The following VRK2 variants were observed in gnomAD, a reference collection of about 807,000 sequenced individuals.
VRK2 encodes serine/threonine-protein kinase VRK2.
Under a neutral mutation model 57.6 loss-of-function variants are expected in VRK2, and 60 were observed. That is an observed-to-expected ratio of 1.04 (90% confidence interval 0.85 to 1.29). The LOEUF (loss-of-function observed/expected upper bound fraction) is 1.29, where lower values mean the gene tolerates loss of function less well. Ranked by LOEUF, VRK2 falls within the 50% of genes most tolerant of loss-of-function variation. VRK2 has a pLI of 0.00. For synonymous variants in VRK2, 231 were observed against 199.2 expected, an observed-to-expected ratio of 1.16 and a Z score of -1.35; for missense variants, 705 against 588.1, an observed-to-expected ratio of 1.20 and a Z score of -2.06.
chr2:57,942,490 T>G (rs1388216945), intron 1 of VRK2, among the ~76,000 whole-genome samples: 1 of 152,174 alleles, frequency 6.6e-6, no homozygotes, highest in African/African-American at 2.4e-5. Flanking sequence ...AGCTGCTACC[T>G]CAGCTTCTTT....
At chr2:57,998,766 T>G (rs1437583029) in intron 1 of VRK2, among the ~76,000 whole-genome samples, 1 of 152,190 alleles carries the variant, frequency 6.6e-6, no homozygotes, top group African/African-American at 2.4e-5. Context: ...TTGCTTCACT[T>G]GAATTTATGA....
chr2:57,958,330 C>T (rs1671647324), intron 1 of VRK2, among the ~76,000 whole-genome samples: 1 of 151,892 alleles, frequency 6.6e-6, no homozygotes, highest in Non-Finnish European at 1.5e-5. Flanking sequence ...TCTACATGAG[C>T]TTCTTCTAAG....
chr2:58,089,665 A>G lies in VRK2; in HGVS notation c.485A>G (p.Tyr162Cys). ...DVLEYIHENE[Y>C]VHGDIKAANL... ...CTGGAATATATACATGAAAATGAAT[A>G]TGTTCATGGTGATATAAAAGCAGCA... Residue 162 changes from tyrosine to cysteine, a missense_variant, in exon 7 of 13, where the codon TAT becomes TGT. Physicochemically the swap from Tyr to Cys is radical, Grantham distance 194. Transcript: ENST00000340157. 1 of 1,607,268 alleles carries G rather than the reference A, an allele frequency of 6.2e-7. No individual in the cohort carries two copies. The highest frequency in any genetic ancestry group is 8.5e-7 in the Non-Finnish European group (1 of 1,175,846).
chr2:58,136,903 T>G (rs1680170053), intron 10 of VRK2, among the ~76,000 whole-genome samples: 1 of 13,396 alleles, frequency 7.5e-5, no homozygotes, highest in Non-Finnish European at 1.3e-4. Flanking sequence ...TGTATATATA[T>G]CATATATATA....
chr2:58,040,825 G>A (rs1230857620), intron 3 of VRK2, among the ~76,000 whole-genome samples: 1 of 152,196 alleles, frequency 6.6e-6, no homozygotes, highest in Non-Finnish European at 1.5e-5. Flanking sequence ...CATTGGGAAT[G>A]GTCAGGAATA....
At chr2:57,991,620 C>G (rs981211057) in intron 1 of VRK2, among the ~76,000 whole-genome samples, 2 of 151,930 alleles carry the variant, frequency 1.3e-5, no homozygotes, top group Non-Finnish European at 2.9e-5. Context: ...GTGAACTATT[C>G]CCTAGTCTCC....
chr2:58,119,113 G>A (rs1403758681), intron 7 of VRK2, among the ~76,000 whole-genome samples: 1 of 152,184 alleles, frequency 6.6e-6, no homozygotes, highest in Non-Finnish European at 1.5e-5. Flanking sequence ...GGCTTGGCTT[G>A]GGCTCAGAGG....
intron 1 of VRK2, chr2:58,047,512 G>A: frequency 1.1e-6 from 1 of 952,010 alleles, no homozygotes; most frequent in Non-Finnish European, 1.3e-6. Flanking sequence ...AAGCCCTGAG[G>A]CCGCTGCCTT....
chr2:58,048,667 A>G (rs988833043), intron 1 of VRK2, 160 bp from the exon 2 acceptor site: 1 of 1,507,642 alleles, frequency 6.6e-7, no homozygotes, highest in African/African-American at 1.4e-5. Context: ...TCTAATTTGA[A>G]TATAATGTGT....
At chr2:58,089,097 T>G (rs890075442) in intron 6 of VRK2, among the ~76,000 whole-genome samples, 2 of 152,200 alleles carry the variant, frequency 1.3e-5, no homozygotes, top group Admixed American at 6.5e-5. Flanking sequence ...CAGCAAATGT[T>G]TATTGAGTAC....
chr2:58,155,776 C>T (rs1184943068), intron 12 of VRK2, among the ~76,000 whole-genome samples: 1 of 150,246 alleles, frequency 6.7e-6, no homozygotes, highest in Non-Finnish European at 1.5e-5. Flanking sequence ...ACCCCGCCGC[C>T]CCGTTTCCAC....
intron 12 of VRK2, among the ~76,000 whole-genome samples, chr2:58,149,907 A>G (rs534628559): frequency 6.6e-6 from 1 of 151,504 alleles, no homozygotes; most frequent in Admixed American, 6.6e-5. Flanking sequence ...GCTGAATTCC[A>G]ACTCAATTCC....
intron 1 of VRK2, among the ~76,000 whole-genome samples, chr2:57,972,774 A>T: frequency 6.6e-6 from 1 of 151,852 alleles, no homozygotes. Context: ...GGCCCTATAG[A>T]TAATCATTCA....
At chr2:57,989,380 C>A (rs536007079) in intron 1 of VRK2, among the ~76,000 whole-genome samples, 2 of 152,264 alleles carry the variant, frequency 1.3e-5, no homozygotes, top group Admixed American at 1.3e-4. Flanking sequence ...TAATATAATT[C>A]TAATATCACT....
chr2:58,151,498 C>G (rs966026219), intron 12 of VRK2, among the ~76,000 whole-genome samples: 1 of 151,476 alleles, frequency 6.6e-6, no homozygotes, highest in African/African-American at 2.4e-5. Context: ...TATAGTTGAG[C>G]CTCGCTATTT....
intron 1 of VRK2, among the ~76,000 whole-genome samples, chr2:57,955,126 A>C (rs1442651413): frequency 6.6e-6 from 1 of 152,184 alleles, no homozygotes; most frequent in African/African-American, 2.4e-5. Flanking sequence ...AAAGAAATGA[A>C]GAGCATTGTT....
At position 58,072,572 on chromosome 2, in the gene VRK2, T is replaced by C. The variant is rs139701315; in HGVS notation, c.137-11517T>C. On this transcript the variant is annotated intron_variant, in intron 2 of 12. Coordinates refer to ENST00000340157, the MANE Select transcript of VRK2 (RefSeq NM_006296.7). The stretch of plus-strand genomic sequence containing the variant: ...GTGTTGGATTATGTTAATTGATTTT[T>C]GAATGCTGAACCAGCCTTGTATACC... Among the ~76,000 whole-genome samples the C allele has an allele frequency of 8.5e-5, 13 of 152,130 alleles. No homozygotes were observed. In the East Asian group the frequency reaches 2.5e-3, roughly 29 times the overall value.
intron 1 of VRK2, among the ~76,000 whole-genome samples, chr2:57,917,639 A>G (rs571758811): frequency 3.3e-5 from 5 of 151,330 alleles, no homozygotes; most frequent in African/African-American, 1.2e-4. Flanking sequence ...TGGTATCTAG[A>G]TATTTTAAAA....
intron 1 of VRK2, among the ~76,000 whole-genome samples, chr2:57,976,754 T>C (rs1389613445): frequency 1.3e-5 from 2 of 152,154 alleles, no homozygotes; most frequent in African/African-American, 4.8e-5. Context: ...TTTGTTTTCA[T>C]TGCAATTGCT....
Sources: allele counts gnomAD v4.1 joint callset (sites outside exome capture counted in the v4.1 genomes callset), GRCh38; gene constraint gnomAD v4.1.1; transcripts MANE v1.5; gene names NCBI Gene and HGNC (gene_info 2026-07-23, HGNC 2026-07-21).